STPG2: variants seen among roughly 807,000 people sequenced by gnomAD.
STPG2 encodes the protein sperm-tail PG-rich repeat-containing protein 2.
A neutral mutation model predicts 54.2 loss-of-function variants in STPG2; 56 were observed. The ratio of observed to expected loss-of-function variants is 1.03; its 90% CI spans 0.83 to 1.29. STPG2 has a LOEUF of 1.29. Ranked by LOEUF, STPG2 falls within the 50% of genes most tolerant of loss-of-function variation. The probability of loss-of-function intolerance (pLI) is 0.00; values close to 1 mark genes in which losing one functional copy is unlikely to be tolerated. For synonymous variants in STPG2, 200 were observed against 181.8 expected (o/e 1.10, Z -0.81); for missense variants, 596 against 544.9 (o/e 1.09, Z -0.93).
chr4:98,010,609 G>T (rs1189131481), intron 5 of STPG2, among the ~76,000 whole-genome samples: 69 of 152,230 alleles, frequency 4.5e-4, no homozygotes, highest in East Asian at 3.9e-4. Context: ...TGTTTTGGTT[G>T]AAGAATTTAA....
At chr4:97,975,666 C>T (rs1734475867) in intron 6 of STPG2, among the ~76,000 whole-genome samples, 1 of 152,114 alleles carries the variant, frequency 6.6e-6, no homozygotes, top group Admixed American at 6.6e-5. Flanking sequence ...GAACACTTAA[C>T]TTGGTTGTAC....
At chr4:97,725,191 C>G (rs1298203612) in intron 9 of STPG2, among the ~76,000 whole-genome samples, 4 of 152,020 alleles carry the variant, frequency 2.6e-5, no homozygotes, top group Non-Finnish European at 5.9e-5. Flanking sequence ...ATAAATTCAT[C>G]TTAAATTCCA....
chr4:97,558,919 C>A lies in STPG2; in HGVS notation c.*139G>T, dbSNP rs1732147828. On this transcript the variant is annotated 3_prime_UTR_variant, in exon 11 of 11. Transcript: ENST00000295268. ...TCTCCGTGGTTGTGTCATATAGTCA[C>A]TAAAGCCTGAGCGAATGCCTGAACA... The A allele has an allele frequency of 5.7e-6, 4 of 707,526 alleles. No homozygotes were observed. In the South Asian group the frequency reaches 7.1e-5, roughly 12 times the overall value. The allele number at this position is 707,526 out of a possible 1,614,324, so 43.8% of individuals were successfully genotyped here. A position where few individuals can be genotyped will look rare whatever the true frequency, so the allele number is the denominator to read the frequency against.
intron 4 of STPG2, among the ~76,000 whole-genome samples, chr4:97,521,548 A>C (rs1438043579): frequency 1.3e-5 from 2 of 152,080 alleles, no homozygotes; most frequent in Non-Finnish European, 2.9e-5. Context: ...TGACGCGAAT[A>C]TGACAGTGAA....
chr4:98,003,441 A>G (rs1735476425), intron 5 of STPG2, among the ~76,000 whole-genome samples: 1 of 152,052 alleles, frequency 6.6e-6, no homozygotes, highest in Admixed American at 6.6e-5. Flanking sequence ...GAGCTGGGAA[A>G]AAGTCCAAAT....
At chr4:97,808,519 A>G (rs1578583064) in intron 9 of STPG2, among the ~76,000 whole-genome samples, 1 of 151,786 alleles carries the variant, frequency 6.6e-6, no homozygotes, top group African/African-American at 2.4e-5. Flanking sequence ...TCCTAAAAAT[A>G]CTCAAATCAT....
At chr4:97,971,016 C>G (rs1361561169) in intron 7 of STPG2, among the ~76,000 whole-genome samples, 1 of 152,180 alleles carries the variant, frequency 6.6e-6, no homozygotes, top group Non-Finnish European at 1.5e-5. Flanking sequence ...AGACACTTCT[C>G]AAAAGAAGAC....
In STPG2 at chr4:97,920,895, C is replaced by T. The variant is rs79014747; in HGVS notation, c.1044+23002G>A. Among the ~76,000 whole-genome samples the T allele has an allele frequency of 0.016, 2,381 of 152,144 alleles. 125 individuals are homozygous for T. The East Asian group carries it at 0.19, about 12-fold the overall frequency. On this transcript the variant is annotated intron_variant, in intron 8 of 10. Coordinates refer to ENST00000295268, the MANE Select transcript of STPG2 (RefSeq NM_174952.3). ...TAAAAGTCTTACAAGAAATTAACAA[C>T]GAAGAGTGGTATCTGCAAGATGGGA...
chr4:97,622,597 C>T (rs999666690), intron 10 of STPG2, among the ~76,000 whole-genome samples: 1 of 152,026 alleles, frequency 6.6e-6, no homozygotes, highest in Non-Finnish European at 1.5e-5. Flanking sequence ...TTACAAAACA[C>T]TGCACAAAGA....
intron 9 of STPG2, among the ~76,000 whole-genome samples, chr4:97,771,036 G>A (rs1476736634): frequency 6.6e-6 from 1 of 152,216 alleles, no homozygotes; most frequent in East Asian, 1.9e-4. Context: ...AAAGCTAATA[G>A]TAGTAGTGCT....
At chr4:98,070,205 A>G (rs1040800030) in intron 5 of STPG2, among the ~76,000 whole-genome samples, 10 of 152,044 alleles carry the variant, frequency 6.6e-5, no homozygotes, top group African/African-American at 1.9e-4. Flanking sequence ...TTGCAAGGTT[A>G]GTGCAACATA....
At chr4:97,843,916 G>A (rs1002632967) in intron 8 of STPG2, among the ~76,000 whole-genome samples, 2 of 151,536 alleles carry the variant, frequency 1.3e-5, no homozygotes, top group Admixed American at 6.6e-5. Flanking sequence ...AACATTTCTT[G>A]GTCTGATTTC....
chr4:97,743,906 G>A (rs1215324322), intron 9 of STPG2, among the ~76,000 whole-genome samples: 2 of 151,530 alleles, frequency 1.3e-5, no homozygotes, highest in Admixed American at 1.3e-4. Flanking sequence ...GAAAGAAAGA[G>A]CATAAGCGAA....
chr4:97,872,343 T>G (rs1730020309), intron 8 of STPG2, among the ~76,000 whole-genome samples: 1 of 151,230 alleles, frequency 6.6e-6, no homozygotes. Flanking sequence ...GAAGTAACAC[T>G]GTATCTATTT....
chr4:98,041,571 C>T (rs1000256536), intron 5 of STPG2, among the ~76,000 whole-genome samples: 3 of 151,936 alleles, frequency 2.0e-5, no homozygotes, highest in Non-Finnish European at 1.5e-5. Context: ...AATGCTGCTT[C>T]TGCATCTATT....
chr4:97,553,313 A>T (rs1232766870), intron 4 of STPG2, among the ~76,000 whole-genome samples: 1 of 152,172 alleles, frequency 6.6e-6, no homozygotes, highest in Non-Finnish European at 1.5e-5. Context: ...GTTACATAAT[A>T]ATATGTTGCT....
intron 4 of STPG2, among the ~76,000 whole-genome samples, chr4:97,514,595 A>T (rs1048480716): frequency 6.6e-6 from 1 of 152,190 alleles, no homozygotes; most frequent in Non-Finnish European, 1.5e-5. Context: ...AAGAGTAAAC[A>T]CAACTGAATC....
At chr4:97,760,123 C>A (rs1047750922) in intron 9 of STPG2, among the ~76,000 whole-genome samples, 2 of 152,136 alleles carry the variant, frequency 1.3e-5, no homozygotes, top group African/African-American at 4.8e-5. Flanking sequence ...TATTGATTTT[C>A]GCACATCTAA....
intron 8 of STPG2, among the ~76,000 whole-genome samples, chr4:97,843,614 C>T (rs1446598717): frequency 2.0e-5 from 3 of 151,738 alleles, no homozygotes; most frequent in Admixed American, 6.6e-5. Flanking sequence ...GATATCAAAA[C>T]GGAATTCCCT....
Sources: allele counts gnomAD v4.1 joint callset (sites outside exome capture counted in the v4.1 genomes callset), GRCh38; gene constraint gnomAD v4.1.1; transcripts MANE v1.5; gene names NCBI Gene and HGNC (gene_info 2026-07-23, HGNC 2026-07-21).